DENND5B: variants seen among roughly 807,000 people sequenced by gnomAD.
The protein encoded by DENND5B is DENN domain containing 5B, also known as DENN domain-containing protein 5B.
In DENND5B, 34 loss-of-function variants were observed where a neutral mutation model predicts 140.6. That is an observed-to-expected ratio of 0.24 (90% CI 0.18 to 0.32). DENND5B has a LOEUF of 0.32. Ranked by LOEUF, DENND5B falls within the 10% of genes least tolerant of loss-of-function variation. DENND5B has a pLI of 1.00. For synonymous variants in DENND5B, 551 were observed against 562.1 expected, an observed-to-expected ratio of 0.98 and a Z score of 0.28; for missense variants, 1,142 against 1,560.2, an observed-to-expected ratio of 0.73 and a Z score of 4.52.
intron 17 of DENND5B, among the ~76,000 whole-genome samples, chr12:31,395,619 A>C (rs1352249365): frequency 6.6e-6 from 1 of 152,118 alleles, no homozygotes; most frequent in Admixed American, 6.6e-5. Flanking sequence ...AAACAAAAAA[A>C]CAAAAAAACT....
At chr12:31,549,443 T>G (rs1223417402) in intron 1 of DENND5B, among the ~76,000 whole-genome samples, 1 of 152,144 alleles carries the variant, frequency 6.6e-6, no homozygotes, top group Non-Finnish European at 1.5e-5. Context: ...TCTATATGGC[T>G]CTAATTTTCT....
At chr12:31,558,777 T>C (rs1592050193) in intron 1 of DENND5B, among the ~76,000 whole-genome samples, 1 of 152,308 alleles carries the variant, frequency 6.6e-6, no homozygotes, top group East Asian at 1.9e-4. Context: ...GCATTAACTA[T>C]GCATCCATTT....
At chr12:31,454,096 C>T (rs11051435) in intron 4 of DENND5B, among the ~76,000 whole-genome samples, 5 of 150,174 alleles carry the variant, frequency 3.3e-5, no homozygotes, top group Middle Eastern at 3.2e-3. Context: ...GAGCTAAGAT[C>T]GTGCCACTGC....
At chr12:31,560,901 C>T (rs1160545438) in intron 1 of DENND5B, among the ~76,000 whole-genome samples, 1 of 152,104 alleles carries the variant, frequency 6.6e-6, no homozygotes, top group East Asian at 1.9e-4. Flanking sequence ...CCCTGAACAC[C>T]TTGTTTAATA....
chr12:31,415,980 C>G (rs565390722), intron 11 of DENND5B, among the ~76,000 whole-genome samples: 6 of 150,940 alleles, frequency 4.0e-5, no homozygotes, highest in African/African-American at 1.5e-4. Flanking sequence ...GGATTACAGG[C>G]ATGCACCACC....
intron 14 of DENND5B, among the ~76,000 whole-genome samples, chr12:31,404,350 G>A (rs1941999271): frequency 6.6e-6 from 1 of 152,190 alleles, no homozygotes; most frequent in Non-Finnish European, 1.5e-5. Flanking sequence ...AGTCTGAAGT[G>A]CAGCAGCCCA....
chr12:31,438,968 AC>A (rs1169000277), intron 7 of DENND5B, among the ~76,000 whole-genome samples: 3 of 152,236 alleles, frequency 2.0e-5, no homozygotes, highest in Non-Finnish European at 4.4e-5. Flanking sequence ...ACTAGCTCTT[AC>A]TATACACTCT....
At chr12:31,483,378 T>C (rs990493427) in intron 2 of DENND5B, among the ~76,000 whole-genome samples, 1 of 152,328 alleles carries the variant, frequency 6.6e-6, no homozygotes, top group South Asian at 2.1e-4. Context: ...GGTTTTTGCA[T>C]TGTTGGAATT....
intron 1 of DENND5B, among the ~76,000 whole-genome samples, chr12:31,550,472 C>T (rs1218028377): frequency 6.6e-6 from 1 of 151,928 alleles, no homozygotes; most frequent in Non-Finnish European, 1.5e-5. Flanking sequence ...CGTTCTTGGA[C>T]ATTTAGGTTG....
chr12:31,516,724 C>CT (rs1241647624), intron 1 of DENND5B, among the ~76,000 whole-genome samples: 3 of 152,068 alleles, frequency 2.0e-5, no homozygotes, highest in African/African-American at 7.2e-5. Context: ...AAGTTCTTTC[C>CT]TTTGTTTCTT....
intron 1 of DENND5B, among the ~76,000 whole-genome samples, chr12:31,584,939 G>A (rs1049535945): frequency 6.6e-6 from 1 of 151,916 alleles, no homozygotes; most frequent in African/African-American, 2.4e-5. Context: ...GCTTCAGGCT[G>A]CTTCCTCTCA....
At chr12:31,560,518 C>T (rs1011395529) in intron 1 of DENND5B, among the ~76,000 whole-genome samples, 4 of 152,244 alleles carry the variant, frequency 2.6e-5, no homozygotes, top group African/African-American at 7.2e-5. Flanking sequence ...GATCTTCCTG[C>T]TTCTACCCTT....
Position 31,387,385 on chromosome 12 carries a change from AC to A in DENND5B, c.*217del, listed in dbSNP as rs1334968280. 6.1e-5 allele frequency: 26 copies of A among 426,140 alleles called. No homozygotes were observed. Among genetic ancestry groups the A allele is most frequent in the African/African-American group, 5.2e-4 (26 of 50,226 alleles). The allele number at this position is 426,140 out of a possible 1,614,324, so 26.4% of individuals were successfully genotyped here. On this transcript the variant is annotated 3_prime_UTR_variant, in exon 21 of 21. Coordinates refer to ENST00000389082, the MANE Select transcript of DENND5B (RefSeq NM_144973.4). ...TTCTTAAAGAAGATAGCATATTTACACACATCTAACACATGAAAATACTCTA... is the reference window on the plus strand; with the variant it reads ...TTCTTAAAGAAGATAGCATATTTACAACATCTAACACATGAAAATACTCTA...
At position 31,392,695 on chromosome 12, in the gene DENND5B, T is replaced by G. The variant is rs1941212741; in HGVS notation, c.3258A>C (p.Lys1086Asn). Reference sequence around the variant, plus strand: ...CTTCTTGTATCTGCCCAGCATTGGGTTCTGTAAAATAATAAACAGTGGCTG... The same window carrying G: ...CTTCTTGTATCTGCCCAGCATTGGGGTCTGTAAAATAATAAACAGTGGCTG... ...SITSLTGKNN[K>N]PNAGQIQEGI... Residue 1086 changes from lysine (K) to asparagine (N), a missense_variant and splice_region_variant, in exon 18 of 21, where the codon AAA becomes AAC. This residue lies in a region of DENND5B where 268 missense variants were observed against 349.2 expected (regional missense o/e 0.77). Coordinates refer to ENST00000389082, the MANE Select transcript of DENND5B (RefSeq NM_144973.4). 1 of 1,553,884 alleles carries G rather than the reference T, an allele frequency of 6.4e-7. No individual in the cohort carries two copies. Among genetic ancestry groups the G allele is most frequent in the East Asian group, 2.4e-5 (1 of 41,654 alleles).
intron 1 of DENND5B, among the ~76,000 whole-genome samples, chr12:31,529,953 A>G (rs1381037047): frequency 6.6e-6 from 1 of 152,196 alleles, no homozygotes; most frequent in Non-Finnish European, 1.5e-5. Context: ...GGATCTAGAA[A>G]CTTTGTGTTA....
chr12:31,557,178 T>C (rs909046184), intron 1 of DENND5B, among the ~76,000 whole-genome samples: 2 of 152,088 alleles, frequency 1.3e-5, no homozygotes, highest in African/African-American at 4.8e-5. Flanking sequence ...AATACAAATA[T>C]TAAAATCAAA....
At chr12:31,449,731 G>GTTTTTTGTTT (rs1555149744) in intron 5 of DENND5B, among the ~76,000 whole-genome samples, 1 of 89,970 alleles carries the variant, frequency 1.1e-5, no homozygotes, top group African/African-American at 4.1e-5. Flanking sequence ...ACACAGATTA[G>GTTTTTTGTTT]TTTTTTTTTT....
chr12:31,436,424 A>C (rs1285509229), intron 7 of DENND5B, among the ~76,000 whole-genome samples: 1 of 151,772 alleles, frequency 6.6e-6, no homozygotes, highest in Non-Finnish European at 1.5e-5. Context: ...TGATGAAGCC[A>C]CTGAAACCCC....
chr12:31,500,504 A>G (rs770633860), intron 1 of DENND5B: 119 of 384,400 alleles, frequency 3.1e-4, no homozygotes, highest in African/African-American at 2.4e-3. Flanking sequence ...ACATGGTGAA[A>G]CCTCATCTCT....
Sources: allele counts gnomAD v4.1 joint callset (sites outside exome capture counted in the v4.1 genomes callset), GRCh38; gene constraint gnomAD v4.1.1; regional missense constraint gnomAD v4.1.1; transcripts MANE v1.5; gene names NCBI Gene and HGNC (gene_info 2026-07-23, HGNC 2026-07-21).